The following SRGAP1 variants were observed in gnomAD, a reference collection of about 807,000 sequenced individuals.
The protein encoded by SRGAP1 is SLIT-ROBO Rho GTPase-activating protein 1.
A neutral mutation model predicts 121.9 loss-of-function variants in SRGAP1; 43 were observed. The observed-to-expected ratio is 0.35, with a 90% CI of 0.28 to 0.46. SRGAP1 has a LOEUF of 0.46. Ranked by LOEUF, SRGAP1 falls within the 20% of genes least tolerant of loss-of-function variation. SRGAP1 has a pLI of 1.00. For missense variants in SRGAP1, 1,102 were observed against 1,350.9 expected (o/e 0.82, Z 2.89); for synonymous variants, 447 against 485.4 (o/e 0.92, Z 1.04).
chr12:64,116,713 C>G (rs903307709), intron 18 of SRGAP1, among the ~76,000 whole-genome samples: 1 of 152,158 alleles, frequency 6.6e-6, no homozygotes, highest in Non-Finnish European at 1.5e-5. Flanking sequence ...ACATTTTGAA[C>G]ATGTCTTCTA....
intron 17 of SRGAP1, among the ~76,000 whole-genome samples, chr12:64,112,209 C>T (rs2036441227): frequency 6.6e-6 from 1 of 152,124 alleles, no homozygotes. Context: ...TAAATCTACC[C>T]TATCGTGGTT....
intron 8 of SRGAP1, among the ~76,000 whole-genome samples, chr12:64,073,212 C>T (rs1026098475): frequency 7.9e-5 from 12 of 152,124 alleles, no homozygotes; most frequent in African/African-American, 2.9e-4. Context: ...TGGCTTCTGT[C>T]ACATCCTTTA....
At chr12:64,016,396 A>G (rs149023886) in intron 3 of SRGAP1, among the ~76,000 whole-genome samples, 1,780 of 152,186 alleles carry the variant, frequency 0.012, 40 homozygotes, top group African/African-American at 0.041. Flanking sequence ...CTGAGGTGGG[A>G]GGATTGCTTG....
intron 3 of SRGAP1, among the ~76,000 whole-genome samples, chr12:63,997,549 GT>G (rs992270572): frequency 2.6e-5 from 4 of 152,050 alleles, no homozygotes; most frequent in African/African-American, 9.7e-5. Context: ...ATATCTCTAA[GT>G]TACTTTTATT....
At chr12:64,137,960 AAATAT>A (rs1305220747) in intron 21 of SRGAP1, among the ~76,000 whole-genome samples, 6 of 137,922 alleles carry the variant, frequency 4.4e-5, no homozygotes, top group African/African-American at 1.7e-4. Flanking sequence ...CTTAAAAAAA[AAATAT>A]ATATATATAT....
chr12:63,975,344 G>C (rs980834722), intron 1 of SRGAP1, among the ~76,000 whole-genome samples: 4 of 152,114 alleles, frequency 2.6e-5, no homozygotes, highest in Non-Finnish European at 5.9e-5. Flanking sequence ...CGTTCCTATA[G>C]GAACTCCACA....
chr12:63,976,431 C>G (rs1018838694), intron 1 of SRGAP1, among the ~76,000 whole-genome samples: 2 of 152,176 alleles, frequency 1.3e-5, no homozygotes, highest in African/African-American at 2.4e-5. Context: ...TATGTCCGCC[C>G]CAGACTCTCA....
intron 1 of SRGAP1, among the ~76,000 whole-genome samples, chr12:63,922,259 A>C (rs144041413): frequency 3.9e-5 from 6 of 152,186 alleles, no homozygotes; most frequent in African/African-American, 1.2e-4. Flanking sequence ...GATTACAGGC[A>C]TGAGCTACTG....
chr12:63,883,954 G>C lies in SRGAP1; in HGVS notation c.67+39071G>C. On this transcript the variant is annotated intron_variant, in intron 1 of 21. Coordinates refer to ENST00000355086, the MANE Select transcript of SRGAP1 (RefSeq NM_020762.4). ...ATTACAGGCGTGAGCCACCGTGCCC[G>C]GCCAAGGGAAATGCTTTTCAATGCA... Among the ~76,000 whole-genome samples, 2 of 149,998 alleles carry C rather than the reference G, an allele frequency of 1.3e-5. 1 individual carries two copies. The highest frequency in any genetic ancestry group is 1.3e-4 in the Admixed American group (2 of 15,042).
At chr12:64,087,917 T>C (rs2035978386) in intron 11 of SRGAP1, among the ~76,000 whole-genome samples, 2 of 152,202 alleles carry the variant, frequency 1.3e-5, no homozygotes, top group African/African-American at 4.8e-5. Context: ...AGGAAAGCCA[T>C]TTGGGCAGCA....
rs58669336 is a variant in SRGAP1, at chr12:64,128,092, C to T, written c.2772C>T (p.His924=). ...GHGSLTNISR[H]DSLKKIDSPP... is the part of the protein sequence containing the mutation. ...GCAGCCTGACCAACATCAGCCGGCA[C>T]GACTCCCTCAAGAAGATCGACAGCC... The change falls in exon 21 of 22, where the codon CAC becomes CAT. Residue 924 remains histidine (H), a synonymous_variant. Transcript: ENST00000355086. 3.7e-4 allele frequency: 597 copies of T among 1,614,104 alleles called. 1 individual carries two copies. The African/African-American group carries it at 6.5e-3, about 18-fold the overall frequency.
intron 8 of SRGAP1, among the ~76,000 whole-genome samples, chr12:64,074,540 C>T (rs1267355794): frequency 6.6e-6 from 1 of 152,096 alleles, no homozygotes; most frequent in African/African-American, 2.4e-5. Context: ...CTCTCTTTTC[C>T]CACTTTTTCC....
At chr12:64,032,605 C>G in intron 4 of SRGAP1, 1 of 529,724 alleles carries the variant, frequency 1.9e-6, no homozygotes, top group Admixed American at 3.2e-5. Context: ...CGACAGCTGA[C>G]AACAAGCCCC....
intron 12 of SRGAP1, among the ~76,000 whole-genome samples, chr12:64,094,724 CT>C (rs1242232900): frequency 6.6e-6 from 1 of 152,112 alleles, no homozygotes; most frequent in East Asian, 1.9e-4. Context: ...GTATGTAAGT[CT>C]TAATATAAGA....
intron 1 of SRGAP1, among the ~76,000 whole-genome samples, chr12:63,860,139 C>A (rs1045956876): frequency 6.6e-6 from 1 of 151,854 alleles, no homozygotes; most frequent in Non-Finnish European, 1.5e-5. Context: ...CTGAGTAGGT[C>A]GCTGGGACCA....
At chr12:63,882,266 ATTTTGTTTTGTTTTG>A (rs149167503) in intron 1 of SRGAP1, among the ~76,000 whole-genome samples, 19 of 150,920 alleles carry the variant, frequency 1.3e-4, no homozygotes, top group Admixed American at 1.1e-3. Context: ...TGCTTCTGTA[ATTTTGTTTTGTTTTG>A]TTTTGTTTTG....
rs1270251018 is a variant in SRGAP1, at chr12:63,949,182, T to G, written c.68-34765T>G. Among the ~76,000 whole-genome samples the G allele has an allele frequency of 4.2e-3, 458 of 108,886 alleles. 1 individual carries two copies. Among genetic ancestry groups the G allele is most frequent in the South Asian group, 8.6e-3 (28 of 3,264 alleles). 71.4% of individuals were successfully genotyped at this position (108,886 alleles called of 152,430 possible). On this transcript the variant is annotated intron_variant, in intron 1 of 21. Coordinates refer to ENST00000355086, the MANE Select transcript of SRGAP1 (RefSeq NM_020762.4). ...TTTCCATATATATATTTTTTCCATATATATTTTTTTTTCCATATATATATA... is the reference window on the plus strand; with the variant it reads ...TTTCCATATATATATTTTTTCCATAGATATTTTTTTTTCCATATATATATA...
chr12:63,871,365 T>C lies in SRGAP1; in HGVS notation c.67+26482T>C, dbSNP rs1433914002. On this transcript the variant is annotated intron_variant, in intron 1 of 21. Transcript: ENST00000355086. ...CCTTTTCATGCCACACCTGGGTAAA[T>C]TGAAATCTAAAGTGGGAGCCTGATG... Among the ~76,000 whole-genome samples the C allele has an allele frequency of 2.6e-5, 4 of 152,338 alleles. No individual in the cohort carries two copies. In the South Asian group the frequency reaches 8.3e-4, roughly 32 times the overall value.
chr12:63,854,348 G>A (rs1406454677), intron 1 of SRGAP1, among the ~76,000 whole-genome samples: 3 of 152,090 alleles, frequency 2.0e-5, no homozygotes, highest in African/African-American at 7.2e-5. Flanking sequence ...TGATGAATTG[G>A]TGTAAATTTT....
Sources: gnomAD v4.1 joint callset for allele counts (sites outside exome capture counted in the v4.1 genomes callset) on GRCh38, gnomAD v4.1.1 for gene constraint, MANE v1.5 for transcripts, NCBI Gene and HGNC (gene_info 2026-07-23, HGNC 2026-07-21) for gene names.